The following AXDND1 variants were observed in gnomAD, a reference collection of about 807,000 sequenced individuals.
AXDND1 encodes the protein axonemal dynein light chain domain containing 1.
AXDND1 carries 110 observed loss-of-function variants against 137.5 expected under a neutral mutation model. The ratio of observed to expected loss-of-function variants is 0.80; its 90% confidence interval spans 0.69 to 0.94. The LOEUF is 0.94. Ranked by LOEUF, AXDND1 falls within the 40% of genes least tolerant of loss-of-function variation. The pLI is 0.00. For missense variants in AXDND1, 1,191 were observed against 1,169.8 expected (o/e 1.02, Z -0.26); for synonymous variants, 414 against 399.7 (o/e 1.04, Z -0.43).
chr1:179,540,039 G>A (rs760630893), intron 25 of AXDND1, among the ~76,000 whole-genome samples: 19 of 151,786 alleles, frequency 1.3e-4, no homozygotes, highest in Non-Finnish European at 2.4e-4. Flanking sequence ...TTTCAGCTCC[G>A]TCAGGTCATT....
At chr1:179,549,653 C>T (rs960554961) in intron 25 of AXDND1, among the ~76,000 whole-genome samples, 2 of 152,108 alleles carry the variant, frequency 1.3e-5, no homozygotes, top group Non-Finnish European at 2.9e-5. Flanking sequence ...TTCTTCATTA[C>T]ACATGCCAAA....
chr1:179,461,063 T>C (rs376725169), intron 16 of AXDND1, among the ~76,000 whole-genome samples: 4 of 152,102 alleles, frequency 2.6e-5, no homozygotes, highest in East Asian at 1.9e-4. Flanking sequence ...TAATTAGATC[T>C]CATTTGTCAA....
Position 179,444,700 on chromosome 1 carries a change from C to CTT in AXDND1, c.1564-256_1564-255dup, listed in dbSNP as rs57923612. Reference sequence around the variant, plus strand: ...TGTAGGACTTAATTGCTTATCACTACTTTTTTTTTTTTTTTAACCACATAG... The same window carrying CTT: ...TGTAGGACTTAATTGCTTATCACTACTTTTTTTTTTTTTTTTTAACCACATAG... On this transcript the variant is annotated intron_variant, in intron 15 of 25. Transcript: ENST00000367618. 3.6e-4 allele frequency among the ~76,000 whole-genome samples: 52 copies of CTT among 146,352 alleles called. 1 individual carries two copies. The South Asian group carries it at 0.011, about 31-fold the overall frequency.
At chr1:179,462,090 G>A (rs1482643741) in intron 16 of AXDND1, among the ~76,000 whole-genome samples, 1 of 152,178 alleles carries the variant, frequency 6.6e-6, no homozygotes, top group Non-Finnish European at 1.5e-5. Flanking sequence ...ATGTTGAATA[G>A]GAGTGGTGAG....
chr1:179,413,636 A>G (rs978096979), intron 12 of AXDND1, among the ~76,000 whole-genome samples: 8 of 152,178 alleles, frequency 5.3e-5, no homozygotes, highest in African/African-American at 9.7e-5. Flanking sequence ...TCTTTACCCA[A>G]TTAATCATTG....
At chr1:179,539,637 T>G (rs1406926013) in intron 25 of AXDND1, among the ~76,000 whole-genome samples, 2 of 152,222 alleles carry the variant, frequency 1.3e-5, no homozygotes, top group Admixed American at 6.5e-5. Context: ...TTCCTTCATT[T>G]CAATCTTGGT....
chr1:179,393,991 C>A lies in AXDND1; in HGVS notation c.952C>A (p.Arg318Ser), dbSNP rs753955745. Residue 318 changes from arginine (R) to serine (S), a missense_variant, in exon 10 of 26, where the codon CGC (arginine) becomes AGC (serine). By Grantham distance (110) the Arg-to-Ser change is moderately radical. Transcript: ENST00000367618. Reference protein sequence around the residue: ...DLVTQRVMDQRILEELYNFKH... With the variant: ...DLVTQRVMDQSILEELYNFKH... The stretch of plus-strand genomic sequence containing the variant: ...GGTAACTCAGCGAGTGATGGACCAG[C>A]GCATTTTAGAAGAATTGTATAATTT... 6.2e-7 allele frequency: 1 copy of A among 1,609,976 alleles called. No individual in the cohort carries two copies. The highest frequency in any genetic ancestry group is 2.2e-5 in the East Asian group (1 of 44,538).
At chr1:179,401,056 C>T (rs1443636289) in intron 11 of AXDND1, among the ~76,000 whole-genome samples, 2 of 151,182 alleles carry the variant, frequency 1.3e-5, no homozygotes, top group Admixed American at 6.6e-5. Context: ...GTCGGGAGTT[C>T]GAGACCAGCC....
intron 21 of AXDND1, among the ~76,000 whole-genome samples, chr1:179,513,601 C>T (rs2125651932): frequency 6.6e-6 from 1 of 152,180 alleles, no homozygotes; most frequent in African/African-American, 2.4e-5. Flanking sequence ...GGAAGGTTCC[C>T]TTTTTTCTCT....
intron 20 of AXDND1, among the ~76,000 whole-genome samples, chr1:179,506,159 A>C (rs1668520139): frequency 6.6e-6 from 1 of 151,916 alleles, no homozygotes; most frequent in Admixed American, 6.6e-5. Flanking sequence ...TTTTTTTTTC[A>C]AGTGCTTTAG....
At position 179,393,886 on chromosome 1, in the gene AXDND1, G is replaced by A; in HGVS notation, c.864-17G>A. 1.3e-6 allele frequency: 2 copies of A among 1,567,544 alleles called. No individual in the cohort carries two copies. The highest frequency in any genetic ancestry group is 1.7e-6 in the Non-Finnish European group (2 of 1,161,830). On this transcript the variant is annotated splice_polypyrimidine_tract_variant and intron_variant, in intron 9 of 25. Coordinates refer to ENST00000367618, the MANE Select transcript of AXDND1 (RefSeq NM_144696.6). ...CATTTATCAGATCTAGGAGCTTTTT[G>A]GTTGTTTGTCATGCAGAGAGAGGTA...
chr1:179,489,304 A>G (rs1369055573), intron 18 of AXDND1, among the ~76,000 whole-genome samples: 1 of 152,146 alleles, frequency 6.6e-6, no homozygotes. Flanking sequence ...AAATTCACCT[A>G]TGATTTATTA....
At chr1:179,527,035 C>A (rs1237540598) in intron 22 of AXDND1, among the ~76,000 whole-genome samples, 1 of 152,076 alleles carries the variant, frequency 6.6e-6, no homozygotes, top group Non-Finnish European at 1.5e-5. Flanking sequence ...GAATTCAGAG[C>A]GAGTTTGCAG....
At chr1:179,494,046 G>A (rs539956424) in intron 20 of AXDND1, among the ~76,000 whole-genome samples, 81 of 152,132 alleles carry the variant, frequency 5.3e-4, no homozygotes, top group African/African-American at 1.9e-3. Context: ...CTGCTTCCTG[G>A]GTTCAAGCAA....
intron 15 of AXDND1, among the ~76,000 whole-genome samples, chr1:179,434,701 C>G (rs796503387): frequency 7.2e-5 from 11 of 152,230 alleles, no homozygotes; most frequent in African/African-American, 2.4e-4. Context: ...TAGAACATAT[C>G]TCAAAATAAT....
chr1:179,379,034 T>C (rs1188289435), intron 5 of AXDND1, among the ~76,000 whole-genome samples: 1 of 152,206 alleles, frequency 6.6e-6, no homozygotes, highest in Non-Finnish European at 1.5e-5. Flanking sequence ...TATATTGTTT[T>C]TCCCTTAGAA....
chr1:179,396,034 A>G (rs1474263461), intron 11 of AXDND1, among the ~76,000 whole-genome samples: 1 of 151,912 alleles, frequency 6.6e-6, no homozygotes, highest in Admixed American at 6.6e-5. Flanking sequence ...CTGGAGGTGG[A>G]GGTGCTTGCC....
At chr1:179,413,153 C>T (rs1654151826) in intron 12 of AXDND1, among the ~76,000 whole-genome samples, 1 of 152,004 alleles carries the variant, frequency 6.6e-6, no homozygotes. Flanking sequence ...TTCAATTTGA[C>T]ATTGAACATT....
At chr1:179,380,718 C>T (rs572073949) in intron 6 of AXDND1, among the ~76,000 whole-genome samples, 2 of 152,282 alleles carry the variant, frequency 1.3e-5, no homozygotes, top group South Asian at 4.1e-4. Context: ...TATTGCATTT[C>T]ATTGTGATGG....
Sources: allele counts gnomAD v4.1 joint callset (sites outside exome capture counted in the v4.1 genomes callset), GRCh38; gene constraint gnomAD v4.1.1; transcripts MANE v1.5; gene names NCBI Gene and HGNC (gene_info 2026-07-23, HGNC 2026-07-21).